The following ASPM variants were observed in gnomAD, a reference collection of about 807,000 sequenced individuals.
The protein encoded by ASPM is assembly factor for spindle microtubules, also known as abnormal spindle-like microcephaly-associated protein.
A neutral mutation model predicts 366.4 loss-of-function variants in ASPM; 256 were observed. That is an observed-to-expected ratio of 0.70 (90% CI 0.63 to 0.77). ASPM has a LOEUF of 0.77. Ranked by LOEUF, ASPM falls within the 30% of genes least tolerant of loss-of-function variation. The pLI is 0.00. For synonymous variants in ASPM, 1,414 were observed against 1,342.9 expected (o/e 1.05, Z -1.16); for missense variants, 4,146 against 4,090.4 (o/e 1.01, Z -0.37).
At position 197,139,785 on chromosome 1, in the gene ASPM, T is replaced by C; in HGVS notation, c.2008A>G (p.Ile670Val). ...IAVAQSSLTF[I>V]KPLKTDIPRH... Reference sequence around the variant, plus strand: ...TACTTGCCTGTTTTTAATGGTTTTATGAAGGTCAAACTGGACTGTGCCACA... The same window carrying C: ...TACTTGCCTGTTTTTAATGGTTTTACGAAGGTCAAACTGGACTGTGCCACA... Residue 670 changes from isoleucine to valine, a missense_variant, in exon 4 of 28, where the codon ATA becomes GTA. Physicochemically the swap from Ile to Val is conservative, Grantham distance 29 (BLOSUM62 3). Around this residue, in one of 3 missense-constraint regions of ASPM, gnomAD observed 3,624 missense variants for 3,591.7 expected, o/e 1.01. Coordinates refer to ENST00000367409, the MANE Select transcript of ASPM (RefSeq NM_018136.5). 6.2e-7 allele frequency: 1 copy of C among 1,608,170 alleles called. No homozygotes were observed.
In ASPM at chr1:197,146,470, C is replaced by T. The variant is rs758887161; in HGVS notation, c.-33G>A. 1.3e-6 allele frequency: 2 copies of T among 1,599,566 alleles called. No individual in the cohort carries two copies. Among genetic ancestry groups the T allele is most frequent in the South Asian group, 1.1e-5 (1 of 90,782 alleles). The stretch of plus-strand genomic sequence containing the variant: ...TCGAGACCCCTCCTGGATCTCCTTG[C>T]CCCGCTCCCACGAGGCGGCTCCGGA... On this transcript the variant is annotated 5_prime_UTR_variant, in exon 1 of 28. Transcript: ENST00000367409.
rs753616429 is a variant in ASPM, at chr1:197,102,801, A to G, written c.6450T>C (p.Cys2150=). The G allele has an allele frequency of 6.2e-7, 1 of 1,612,298 alleles. No individual in the cohort carries two copies. The highest frequency in any genetic ancestry group is 8.5e-7 in the Non-Finnish European group (1 of 1,179,226). ...RKAAIVIQVR[C]RAYYQGKMQR... ...GCATTTTACCTTGATAATATGCTCT[A>G]CATCTTACTTGAATAACAATAGCTG... Residue 2150 remains cysteine (C), a synonymous_variant, in exon 18 of 28, where the codon TGT becomes TGC. Transcript: ENST00000367409.
At position 197,086,873 on chromosome 1, in the gene ASPM, G is replaced by T. The variant is rs201191528; in HGVS notation, c.10261C>A (p.Gln3421Lys). 137 of 1,611,550 alleles carry T rather than the reference G, an allele frequency of 8.5e-5. No homozygotes were observed. In the East Asian group the frequency reaches 2.9e-3, roughly 34 times the overall value. The change falls in exon 27 of 28, where the codon CAA becomes AAA. Residue 3421 changes from glutamine (Q) to lysine (K), a missense_variant. This residue lies in a region of ASPM where 3,624 missense variants were observed against 3,591.7 expected (regional missense o/e 1.01). Coordinates refer to ENST00000367409, the MANE Select transcript of ASPM (RefSeq NM_018136.5). The stretch of plus-strand genomic sequence containing the variant: ...ATGCTTATAGAAGAATTCTTCTTTT[G>T]CTTGTAAAGTATTCTTTCAGTATTC... ...KMNTERILYK[Q>K]KKNSSISIPF...
chr1:197,146,664 G>C lies in ASPM; in HGVS notation c.-227C>G. On this transcript the variant is annotated 5_prime_UTR_variant, in exon 1 of 28. Coordinates refer to ENST00000367409, the MANE Select transcript of ASPM (RefSeq NM_018136.5). ...AGGAGCCAAACAAGTATGGCGTTTT[G>C]ACTCTGTTTAAACTTGCCGCCTCCA... is the stretch of plus-strand genomic sequence containing the variant. 1 of 595,360 alleles carries C rather than the reference G, an allele frequency of 1.7e-6. No individual in the cohort carries two copies. The highest frequency in any genetic ancestry group is 2.0e-5 in the South Asian group (1 of 48,884). The allele number at this position is 595,360 out of a possible 1,614,324, so 36.9% of individuals were successfully genotyped here. A position where few individuals can be genotyped will look rare whatever the true frequency, so the allele number is the denominator to read the frequency against.
In ASPM at chr1:197,133,373, T is replaced by A; in HGVS notation, c.2396A>T (p.Asp799Val). 2 of 1,613,942 alleles carry A rather than the reference T, an allele frequency of 1.2e-6. No homozygotes were observed. Among genetic ancestry groups the A allele is most frequent in the Non-Finnish European group, 1.7e-6 (2 of 1,179,906 alleles). Reference protein sequence around the residue: ...IEARRLIVRKDRHLWKDVGER... With the variant: ...IEARRLIVRKVRHLWKDVGER... ...ACCCACATCTTTCCATAGGTGTCTA[T>A]CTTTTCGAACAATTAACCGCCTAGC... Residue 799 changes from aspartate to valine, a missense_variant, in exon 6 of 28, where the codon GAT becomes GTT. Physicochemically the swap from Asp to Val is radical, Grantham distance 152. Around this residue, in one of 3 missense-constraint regions of ASPM, gnomAD observed 3,624 missense variants for 3,591.7 expected, o/e 1.01. Coordinates refer to ENST00000367409, the MANE Select transcript of ASPM (RefSeq NM_018136.5).
intron 16 of ASPM, among the ~76,000 whole-genome samples, chr1:197,121,574 C>T (rs2125103941): frequency 6.6e-6 from 1 of 152,250 alleles, no homozygotes; most frequent in South Asian, 2.1e-4. Context: ...AGCTCCTGCT[C>T]TCCAGAGGCA....
Position 197,104,105 on chromosome 1 carries a change from T to C in ASPM, c.5146A>G (p.Lys1716Glu), listed in dbSNP as rs763896842. The C allele has an allele frequency of 6.2e-7, 1 of 1,613,052 alleles. No homozygotes were observed. Among genetic ancestry groups the C allele is most frequent in the Non-Finnish European group, 8.5e-7 (1 of 1,179,438 alleles). Residue 1716 changes from lysine (K) to glutamate (E), a missense_variant, in exon 18 of 28, where the codon AAA (lysine) becomes GAA (glutamate). This residue lies in a region of ASPM where 3,624 missense variants were observed against 3,591.7 expected (regional missense o/e 1.01). Coordinates refer to ENST00000367409, the MANE Select transcript of ASPM (RefSeq NM_018136.5). ...TCTTCTCTCTTTTGTGCAGCTATTT[T>C]TTTGGAACGGTAACATTGCTGGATA... Reference protein sequence around the residue: ...LFIQQCYRSKKIAAQKREEYM... With the variant: ...LFIQQCYRSKEIAAQKREEYM...
rs779052414 is a variant in ASPM, at chr1:197,101,541, A to T, written c.7710T>A (p.Tyr2570Ter). The change falls in exon 18 of 28, where the codon TAT becomes TAA. Residue 2570 changes from tyrosine to a stop codon, truncating the protein, a stop_gained. Coordinates refer to ENST00000367409, the MANE Select transcript of ASPM (RefSeq NM_018136.5). LOFTEE classifies it high-confidence loss of function. ...CCCACTGAAGCTTTTGGTAGAAACA[A>T]TACTGCCTATACATTCTGTAGGTGC... ...IQSTYRMYRQ[Y>*]CFYQKLQWAT... is the part of the protein sequence containing the mutation. The T allele has an allele frequency of 6.2e-7, 1 of 1,609,312 alleles. No individual in the cohort carries two copies. Among genetic ancestry groups the T allele is most frequent in the Non-Finnish European group, 8.5e-7 (1 of 1,178,976 alleles).
At position 197,124,328 on chromosome 1, in the gene ASPM, C is replaced by T. The variant is rs747964751; in HGVS notation, c.3172G>A (p.Asp1058Asn). The change falls in exon 13 of 28, where the codon GAT (aspartate) becomes AAT (asparagine). Residue 1058 changes from aspartate (D) to asparagine (N), a missense_variant. Asp to Asn is a conservative substitution (Grantham distance 23, BLOSUM62 1). This residue lies in a region of ASPM where 3,624 missense variants were observed against 3,591.7 expected (regional missense o/e 1.01). Coordinates refer to ENST00000367409, the MANE Select transcript of ASPM (RefSeq NM_018136.5). The part of the protein sequence containing the change: ...LWKIAFAFQV[D>N]ISLNLDQLKE... ...AATTGATCTAAGTTAAGGGAAATAT[C>T]CACCTAAAACAAACACAAAAAAAGA... 6.4e-7 allele frequency: 1 copy of T among 1,553,928 alleles called. No homozygotes were observed. The highest frequency in any genetic ancestry group is 1.4e-5 in the African/African-American group (1 of 73,376).
At chr1:197,112,494 T>C (rs1161879192) in intron 17 of ASPM, among the ~76,000 whole-genome samples, 1 of 151,946 alleles carries the variant, frequency 6.6e-6, no homozygotes, top group South Asian at 2.1e-4. Context: ...GACAGAAAAA[T>C]ATATTGGGCC....
In ASPM at chr1:197,094,144, C is replaced by T. The variant is rs757139773; in HGVS notation, c.9024G>A (p.Gln3008=). ...CAGGAAGTATAGCTCTCCATTTTCT[C>T]TGAATGATAATTGCTGATGCTCTCA... is the stretch of plus-strand genomic sequence containing the variant. ...LNVRASAIII[Q]RKWRAILPAK... Residue 3008 remains glutamine (Q), a synonymous_variant, in exon 20 of 28, where the codon CAG becomes CAA. Transcript: ENST00000367409. The T allele has an allele frequency of 8.7e-6, 14 of 1,607,654 alleles. No individual in the cohort carries two copies. Among genetic ancestry groups the T allele is most frequent in the Middle Eastern group, 1.7e-4 (1 of 6,018 alleles).
At position 197,090,404 on chromosome 1, in the gene ASPM, CAG is replaced by C. The variant is rs750001417; in HGVS notation, c.9637-18_9637-17del. 1 of 1,573,392 alleles carries C rather than the reference CAG, an allele frequency of 6.4e-7. No homozygotes were observed. Among genetic ancestry groups the C allele is most frequent in the East Asian group, 2.3e-5 (1 of 44,412 alleles). ...TCCATAATGCCTTAAAGAGATAAAA[CAG>C]AGTAATTTTAAGATTATAGCCAATG... On this transcript the variant is annotated splice_polypyrimidine_tract_variant and intron_variant, in intron 23 of 27. Transcript: ENST00000367409.
intron 17 of ASPM, 100 bp downstream of exon 17, chr1:197,117,689 C>G (rs2125102368): frequency 9.3e-7 from 1 of 1,070,478 alleles, no homozygotes; most frequent in East Asian, 2.5e-5. Flanking sequence ...GATAAAGAAT[C>G]CTAAAATATA....
chr1:197,143,670 A>G lies in ASPM; in HGVS notation c.582T>C (p.Ala194=), dbSNP rs556849969. Reference sequence around the variant, plus strand: ...CTTCATTCATAGCCAAGTTTTCACAAGCTTGTAGTGGGCTCCTAACTCTGT... The same window carrying G: ...CTTCATTCATAGCCAAGTTTTCACAGGCTTGTAGTGGGCTCCTAACTCTGT... ...KVDRVRSPLQ[A]CENLAMNEGG... is the part of the protein sequence containing the mutation. The change falls in exon 3 of 28, where the codon GCT becomes GCC. Residue 194 remains alanine (A), a synonymous_variant. Transcript: ENST00000367409. 22 of 1,613,836 alleles carry G rather than the reference A, an allele frequency of 1.4e-5. No individual in the cohort carries two copies. The highest frequency in any genetic ancestry group is 1.3e-4 in the East Asian group (6 of 44,876).
At chr1:197,099,976 A>C (rs1002144841) in intron 18 of ASPM, among the ~76,000 whole-genome samples, 1 of 151,754 alleles carries the variant, frequency 6.6e-6, no homozygotes, top group Non-Finnish European at 1.5e-5. Context: ...TTTGGAAGCC[A>C]AAGTACTAAA....
chr1:197,111,495 G>A (rs961534164), intron 17 of ASPM, among the ~76,000 whole-genome samples: 6 of 151,982 alleles, frequency 3.9e-5, no homozygotes, highest in East Asian at 1.9e-4. Context: ...AAATTAGTTC[G>A]GCTACTTTGA....
Position 197,090,395 on chromosome 1 carries a change from G to A in ASPM, c.9637-7C>T, listed in dbSNP as rs1200593479. 1 of 1,589,348 alleles carries A rather than the reference G, an allele frequency of 6.3e-7. No individual in the cohort carries two copies. The highest frequency in any genetic ancestry group is 1.7e-5 in the Admixed American group (1 of 58,976). ...AATAGCCTCTCCATAATGCCTTAAA[G>A]AGATAAAACAGAGTAATTTTAAGAT... On this transcript the variant is annotated splice_region_variant and splice_polypyrimidine_tract_variant and intron_variant, in intron 23 of 27. Transcript: ENST00000367409.
At chr1:197,138,627 T>C (rs558356710) in intron 4 of ASPM, 15 of 473,392 alleles carry the variant, frequency 3.2e-5, no homozygotes, top group African/African-American at 2.8e-4. Context: ...AGGGAAAATA[T>C]ACAATAAGCA....
In ASPM at chr1:197,122,060, A is replaced by G. The variant is rs1381151683; in HGVS notation, c.3742-17T>C. On this transcript the variant is annotated splice_polypyrimidine_tract_variant and intron_variant, in intron 15 of 27. Coordinates refer to ENST00000367409, the MANE Select transcript of ASPM (RefSeq NM_018136.5). The stretch of plus-strand genomic sequence containing the variant: ...AATAACCACCTAAAAAAAACCCACA[A>G]AAGATAAAAACAGAATATCAACAGA... 1.2e-6 allele frequency: 2 copies of G among 1,610,306 alleles called. No homozygotes were observed. Among genetic ancestry groups the G allele is most frequent in the Non-Finnish European group, 1.7e-6 (2 of 1,177,352 alleles).
Sources: gnomAD v4.1 joint callset for allele counts (sites outside exome capture counted in the v4.1 genomes callset) on GRCh38, gnomAD v4.1.1 for gene constraint, gnomAD v4.1.1 regional missense constraint, MANE v1.5 for transcripts, NCBI Gene and HGNC (gene_info 2026-07-23, HGNC 2026-07-21) for gene names.